The following PTPRK variants were observed in gnomAD, a reference collection of about 807,000 sequenced individuals.
PTPRK encodes protein tyrosine phosphatase receptor type K.
In PTPRK, 75 loss-of-function variants were observed where a neutral mutation model predicts 178.0. The ratio of observed to expected loss-of-function variants is 0.42; its 90% CI spans 0.35 to 0.51. The LOEUF is 0.51. Ranked by LOEUF, PTPRK falls within the 20% of genes least tolerant of loss-of-function variation. The probability of loss-of-function intolerance (pLI) is 0.02; values close to 1 mark genes in which losing one functional copy is unlikely to be tolerated. For missense variants in PTPRK, 1,441 were observed against 1,797.8 expected, an observed-to-expected ratio of 0.80 and a Z score of 3.59; for synonymous variants, 637 against 620.6, an observed-to-expected ratio of 1.03 and a Z score of -0.39.
chr6:128,228,509 A>T (rs1053233077), intron 5 of PTPRK, among the ~76,000 whole-genome samples: 4 of 149,652 alleles, frequency 2.7e-5, no homozygotes, highest in African/African-American at 9.8e-5. Context: ...AAAAAAAAAA[A>T]TTTAGCTGGG....
chr6:128,281,351 A>G (rs952178280), intron 3 of PTPRK, among the ~76,000 whole-genome samples: 1 of 152,196 alleles, frequency 6.6e-6, no homozygotes, highest in Non-Finnish European at 1.5e-5. Flanking sequence ...AATGATCTGT[A>G]TCTTACGCAT....
intron 13 of PTPRK, among the ~76,000 whole-genome samples, chr6:128,054,323 T>C (rs1424730060): frequency 2.0e-5 from 3 of 152,200 alleles, no homozygotes; most frequent in Admixed American, 6.5e-5. Flanking sequence ...ATAAAATTCT[T>C]CTCTTAGCTT....
At chr6:128,235,671 T>C in intron 5 of PTPRK, 1 of 435,430 alleles carries the variant, frequency 2.3e-6, no homozygotes, top group Non-Finnish European at 4.8e-6. Context: ...CTGAGTAGCG[T>C]GATGAAATCT....
At chr6:128,202,284 T>C (rs1307814761) in intron 6 of PTPRK, among the ~76,000 whole-genome samples, 1 of 152,160 alleles carries the variant, frequency 6.6e-6, no homozygotes, top group Non-Finnish European at 1.5e-5. Flanking sequence ...TGAGGAATTA[T>C]GTAACCCTGC....
intron 2 of PTPRK, among the ~76,000 whole-genome samples, chr6:128,372,994 A>T (rs1287226481): frequency 4.1e-5 from 6 of 145,644 alleles, no homozygotes; most frequent in African/African-American, 1.5e-4. Flanking sequence ...GGTAATTTTA[A>T]AAAAAAAAAA....
At position 128,090,436 on chromosome 6, in the gene PTPRK, A is replaced by G. The variant is rs186127978; in HGVS notation, c.1163-444T>C. Among the ~76,000 whole-genome samples, 6 of 152,348 alleles carry G rather than the reference A, an allele frequency of 3.9e-5. No homozygotes were observed. In the East Asian group the frequency reaches 1.2e-3, roughly 29 times the overall value. Reference sequence around the variant, plus strand: ...CTGTATACGAATTATTCTAATTGTAACAATAATATACTACCATTTACAAGA... The same window carrying G: ...CTGTATACGAATTATTCTAATTGTAGCAATAATATACTACCATTTACAAGA... On this transcript the variant is annotated intron_variant, in intron 7 of 29. Coordinates refer to ENST00000368226, the MANE Select transcript of PTPRK (RefSeq NM_002844.4).
intron 15 of PTPRK, among the ~76,000 whole-genome samples, chr6:128,004,249 C>T (rs932636142): frequency 4.0e-5 from 6 of 151,734 alleles, no homozygotes; most frequent in African/African-American, 1.4e-4. Flanking sequence ...ATTTGCCTGC[C>T]TCAAGCATCA....
chr6:128,486,110 C>G (rs1852827431), intron 1 of PTPRK, among the ~76,000 whole-genome samples: 1 of 151,734 alleles, frequency 6.6e-6, no homozygotes, highest in Non-Finnish European at 1.5e-5. Context: ...AAAAATTAAC[C>G]CACAGAATAC....
intron 7 of PTPRK, among the ~76,000 whole-genome samples, chr6:128,154,670 A>G (rs1429306271): frequency 6.6e-6 from 1 of 151,714 alleles, no homozygotes; most frequent in South Asian, 2.1e-4. Context: ...TTACTTCATC[A>G]AAGAGGAAAT....
At chr6:128,129,304 T>A (rs1198731793) in intron 7 of PTPRK, among the ~76,000 whole-genome samples, 1 of 152,204 alleles carries the variant, frequency 6.6e-6, no homozygotes, top group Non-Finnish European at 1.5e-5. Context: ...CCAATGTTAT[T>A]CATGTGTGGT....
intron 2 of PTPRK, among the ~76,000 whole-genome samples, chr6:128,358,011 C>T (rs1018872726): frequency 2.0e-5 from 3 of 152,156 alleles, no homozygotes; most frequent in African/African-American, 7.2e-5. Flanking sequence ...TAGGCCCACT[C>T]AGTGAAGCCG....
chr6:128,312,202 G>A (rs927901533), intron 3 of PTPRK, among the ~76,000 whole-genome samples: 3 of 152,116 alleles, frequency 2.0e-5, no homozygotes, highest in East Asian at 1.9e-4. Flanking sequence ...TCTAGTATTC[G>A]GGTCTTTTGA....
intron 2 of PTPRK, among the ~76,000 whole-genome samples, chr6:128,355,318 GCTAT>G (rs1833805328): frequency 6.6e-6 from 1 of 152,116 alleles, no homozygotes; most frequent in Non-Finnish European, 1.5e-5. Flanking sequence ...TTCTATCCAT[GCTAT>G]CTAAATTATT....
At chr6:128,472,450 C>T (rs1850826477) in intron 1 of PTPRK, among the ~76,000 whole-genome samples, 1 of 140,726 alleles carries the variant, frequency 7.1e-6, no homozygotes, top group Admixed American at 7.2e-5. Context: ...AGGGAACTCC[C>T]TGAATTTGTT....
chr6:128,206,869 A>G (rs532574561), intron 6 of PTPRK, among the ~76,000 whole-genome samples: 65 of 152,328 alleles, frequency 4.3e-4, no homozygotes, highest in African/African-American at 1.5e-3. Context: ...ACACATGGAA[A>G]GTGATTTCTG....
chr6:128,011,727 T>C lies in PTPRK; in HGVS notation c.2195-2459A>G, dbSNP rs1583636233. On this transcript the variant is annotated intron_variant, in intron 13 of 29. Transcript: ENST00000368226. ...GGGGATGAAGACATTTTTAAGATCT[T>C]ACAAGTAATATAGATAGGTTAATGA... Among the ~76,000 whole-genome samples the C allele has an allele frequency of 4.6e-5, 7 of 151,220 alleles. No homozygotes were observed. In the South Asian group the frequency reaches 1.5e-3, roughly 31 times the overall value.
In PTPRK at chr6:128,005,880, TGATA is replaced by T. The variant is rs201209659; in HGVS notation, c.2334-640_2334-637del. ...TTTTTAAAAAGATTGGCAAAATAGG[TGATA>T]GATAAAGTTTATAGTTTTAGAGTCT... On this transcript the variant is annotated intron_variant, in intron 14 of 29. Transcript: ENST00000368226. 5.3e-3 allele frequency: 2,415 copies of T among 452,746 alleles called. 58 individuals are homozygous for T. The highest frequency in any genetic ancestry group is 0.044 in the African/African-American group (2,136 of 48,472). 28.0% of individuals were successfully genotyped at this position (452,746 alleles called of 1,614,324 possible).
rs575245999 is a variant in PTPRK, at chr6:128,318,243, C to A, written c.495+3796G>T. Among the ~76,000 whole-genome samples, 91 of 152,252 alleles carry A rather than the reference C, an allele frequency of 6.0e-4. 1 individual carries two copies. Among genetic ancestry groups the A allele is most frequent in the South Asian group, 1.0e-3 (5 of 4,822 alleles). On this transcript the variant is annotated intron_variant, in intron 3 of 29. Coordinates refer to ENST00000368226, the MANE Select transcript of PTPRK (RefSeq NM_002844.4). ...TGCCTGAAGATCAATCTTTTAGAGG[C>A]TTTTTATTCAAGTAAAAATGGTCAC...
chr6:128,168,517 G>A lies in PTPRK; in HGVS notation c.1162+15915C>T, dbSNP rs188044295. On this transcript the variant is annotated intron_variant, in intron 7 of 29. Transcript: ENST00000368226. ...AGCCTGTTAGAAACTGGGTTGCACA[G>A]CAGGAGGTGAGCGGAAGGCAAGGGA... Among the ~76,000 whole-genome samples, 70 of 152,194 alleles carry A rather than the reference G, an allele frequency of 4.6e-4. 1 individual carries two copies. The highest frequency in any genetic ancestry group is 4.3e-3 in the Admixed American group (65 of 15,288).
Sources: allele counts gnomAD v4.1 joint callset (sites outside exome capture counted in the v4.1 genomes callset), GRCh38; gene constraint gnomAD v4.1.1; transcripts MANE v1.5; gene names NCBI Gene and HGNC (gene_info 2026-07-23, HGNC 2026-07-21).